The following ABCC9 variants were observed in gnomAD, a reference collection of about 807,000 sequenced individuals.
ABCC9 encodes ATP binding cassette subfamily C member 9.
ABCC9 carries 95 observed loss-of-function variants against 188.3 expected under a neutral mutation model. The observed-to-expected ratio is 0.50, with a 90% CI of 0.43 to 0.60. ABCC9 has a LOEUF of 0.60. Ranked by LOEUF, ABCC9 falls within the 20% of genes least tolerant of loss-of-function variation. The pLI, the probability that ABCC9 is intolerant of heterozygous loss-of-function variation, is 0.00. For synonymous variants in ABCC9, 659 were observed against 652.7 expected (o/e 1.01, Z -0.15); for missense variants, 1,102 against 1,876.3 (o/e 0.59, Z 7.62).
At chr12:21,890,985 A>T (rs185041942) in intron 14 of ABCC9, among the ~76,000 whole-genome samples, 1,772 of 147,102 alleles carry the variant, frequency 0.012, 37 homozygotes, top group African/African-American at 0.044. Context: ...ATAAAATTTA[A>T]AAAAAAAAAT....
intron 19 of ABCC9, among the ~76,000 whole-genome samples, chr12:21,863,382 A>T (rs1470611154): frequency 1.6e-5 from 2 of 128,576 alleles, no homozygotes; most frequent in Non-Finnish European, 3.5e-5. Context: ...TAATTAAAAG[A>T]TTATAGCTAC....
chr12:21,880,808 C>T (rs899661853), intron 16 of ABCC9, among the ~76,000 whole-genome samples: 3 of 151,990 alleles, frequency 2.0e-5, no homozygotes, highest in Non-Finnish European at 4.4e-5. Flanking sequence ...AAGCAGTTTG[C>T]CATTATCTAG....
intron 4 of ABCC9, among the ~76,000 whole-genome samples, chr12:21,932,633 A>G (rs147255978): frequency 4.6e-5 from 7 of 152,072 alleles, no homozygotes; most frequent in Admixed American, 1.3e-4. Flanking sequence ...CATGTATGGA[A>G]AAAAGCTCAA....
At chr12:21,909,436 G>A (rs1249177473) in intron 10 of ABCC9, among the ~76,000 whole-genome samples, 2 of 151,816 alleles carry the variant, frequency 1.3e-5, no homozygotes, top group African/African-American at 4.8e-5. Context: ...TCTACAGAAT[G>A]CAAAACTTGA....
intron 15 of ABCC9, among the ~76,000 whole-genome samples, chr12:21,887,205 A>G (rs899819152): frequency 2.6e-5 from 4 of 152,220 alleles, no homozygotes; most frequent in Non-Finnish European, 1.5e-5. Flanking sequence ...ACAAAATAAT[A>G]TTGACTATGT....
At chr12:21,805,077 T>C (rs1184684574) in intron 39 of ABCC9, 24 of 1,566,614 alleles carry the variant, frequency 1.5e-5, no homozygotes, top group Non-Finnish European at 2.0e-5. Context: ...ATCTCAGCCC[T>C]TCCCTTTATT....
chr12:21,876,489 A>G (rs1946354725), intron 16 of ABCC9, among the ~76,000 whole-genome samples: 1 of 151,378 alleles, frequency 6.6e-6, no homozygotes, highest in African/African-American at 2.4e-5. Context: ...CACTGAAGTT[A>G]AAAAAAAAGA....
intron 31 of ABCC9, among the ~76,000 whole-genome samples, chr12:21,825,683 A>G (rs921762003): frequency 2.6e-5 from 4 of 152,078 alleles, no homozygotes; most frequent in Non-Finnish European, 2.9e-5. Context: ...TAGGAGAAAT[A>G]CCCAATGTGG....
chr12:21,815,936 G>A, intron 33 of ABCC9, 43 bp from the exon 34 acceptor site: 1 of 1,523,558 alleles, frequency 6.6e-7, no homozygotes, highest in Non-Finnish European at 9.0e-7. Flanking sequence ...TAGGCAGATA[G>A]AGATTGATGT....
At position 21,863,042 on chromosome 12, in the gene ABCC9, G is replaced by T; in HGVS notation, c.2250C>A (p.Tyr750Ter). Residue 750 changes from tyrosine to a stop codon, truncating the protein, a stop_gained, in exon 20 of 40, where the codon TAC becomes TAA. Coordinates refer to ENST00000261200, the MANE Select transcript of ABCC9 (RefSeq NM_020297.4). LOFTEE classifies it high-confidence loss of function. ...SFEATRSRNR[Y>*]SVAYAAQKPW... Reference sequence around the variant, plus strand: ...GCTTTTGAGCTGCATATGCCACAGAGTACCTGTTCCTACTGAAAAATGAAA... The same window carrying T: ...GCTTTTGAGCTGCATATGCCACAGATTACCTGTTCCTACTGAAAAATGAAA... 6.2e-6 allele frequency: 10 copies of T among 1,606,170 alleles called. No homozygotes were observed. The highest frequency in any genetic ancestry group is 8.5e-6 in the Non-Finnish European group (10 of 1,174,566).
At position 21,797,902 on chromosome 12, in the gene ABCC9, A is replaced by T; in HGVS notation, c.*3142T>A. 1 of 152,304 alleles carries T rather than the reference A, an allele frequency of 6.6e-6. No homozygotes were observed. Among genetic ancestry groups the T allele is most frequent in the East Asian group, 1.9e-4 (1 of 5,182 alleles). 9.4% of individuals were successfully genotyped at this position (152,304 alleles called of 1,614,324 possible). A position where few individuals can be genotyped will look rare whatever the true frequency, so the allele number is the denominator to read the frequency against. On this transcript the variant is annotated 3_prime_UTR_variant, in exon 40 of 40. Transcript: ENST00000261200. ...AATTGATTTGACTAATTAAATATAA[A>T]ATTTATAAATGTAAAATCTGATTTA...
chr12:21,913,877 C>T lies in ABCC9; in HGVS notation c.817-811G>A, dbSNP rs547444296. 7.9e-5 allele frequency among the ~76,000 whole-genome samples: 12 copies of T among 152,268 alleles called. No individual in the cohort carries two copies. In the South Asian group the frequency reaches 2.5e-3, roughly 32 times the overall value. On this transcript the variant is annotated intron_variant, in intron 7 of 39. Coordinates refer to ENST00000261200, the MANE Select transcript of ABCC9 (RefSeq NM_020297.4). The stretch of plus-strand genomic sequence containing the variant: ...GTTCCCTATGCAACCCCCTGTTAAA[C>T]TAAATAAATAATTTGTTTTCCAAAG...
intron 5 of ABCC9, chr12:21,924,435 G>A (rs1335661538): frequency 6.6e-6 from 1 of 152,000 alleles, no homozygotes; most frequent in African/African-American, 2.4e-5. Context: ...TGTACATTTG[G>A]TGATTTTCAT....
chr12:21,850,103 C>T (rs1944884911), intron 24 of ABCC9, among the ~76,000 whole-genome samples: 1 of 151,344 alleles, frequency 6.6e-6, no homozygotes. Flanking sequence ...TTGAGCTGGA[C>T]AACGCACTGT....
At chr12:21,849,817 C>A (rs558707212) in intron 24 of ABCC9, among the ~76,000 whole-genome samples, 1 of 152,158 alleles carries the variant, frequency 6.6e-6, no homozygotes, top group East Asian at 1.9e-4. Context: ...TAAATAATAC[C>A]AGTTTATTCT....
intron 7 of ABCC9, among the ~76,000 whole-genome samples, chr12:21,915,387 T>A (rs1295325480): frequency 2.8e-5 from 4 of 143,958 alleles, no homozygotes; most frequent in Non-Finnish European, 3.0e-5. Flanking sequence ...TATATAGACA[T>A]GTGTATATAT....
rs763511789 is a variant in ABCC9 at position 21,895,254 on chromosome 12, AAG to A, written c.1659+19_1659+20del. On this transcript the variant is annotated intron_variant, in intron 13 of 39. Coordinates refer to ENST00000261200, the MANE Select transcript of ABCC9 (RefSeq NM_020297.4). ...AACACTGACTTGGTTTCATTTCTAAAAGAGAGAAAAAGTGTCTTACAGCAAGA... is the reference window on the plus strand; with the variant it reads ...AACACTGACTTGGTTTCATTTCTAAAAGAGAAAAAGTGTCTTACAGCAAGA... The A allele has an allele frequency of 6.8e-6, 11 of 1,606,666 alleles. No homozygotes were observed. Among genetic ancestry groups the A allele is most frequent in the South Asian group, 1.1e-5 (1 of 90,914 alleles).
rs1413918169 is a variant in ABCC9 at position 21,893,986 on chromosome 12, T to C, written c.1802+46A>G. The C allele has an allele frequency of 8.7e-6, 14 of 1,601,694 alleles. 1 individual carries two copies. In the Middle Eastern group the frequency reaches 8.3e-4, roughly 95 times the overall value. On this transcript the variant is annotated intron_variant, in intron 14 of 39. Transcript: ENST00000261200. ...CAAATACTCCTATTAGCACACGTCA[T>C]TTCTATTATCAATAAGCAAAAAATG...
rs143655767 is a variant in ABCC9, at chr12:21,864,812, G to A, written c.2199-335C>T. On this transcript the variant is annotated intron_variant, in intron 18 of 39. Coordinates refer to ENST00000261200, the MANE Select transcript of ABCC9 (RefSeq NM_020297.4). ...GAATCCCTCTAGAATACAGTTTCCC[G>A]TTTCATAAGGACTCTGTATTTCCAA... 1.2e-4 allele frequency among the ~76,000 whole-genome samples: 19 copies of A among 152,152 alleles called. No individual in the cohort carries two copies. In the East Asian group the frequency reaches 1.7e-3, roughly 14 times the overall value.
Sources: gnomAD v4.1 joint callset for allele counts (sites outside exome capture counted in the v4.1 genomes callset) on GRCh38, gnomAD v4.1.1 for gene constraint, MANE v1.5 for transcripts, NCBI Gene and HGNC (gene_info 2026-07-23, HGNC 2026-07-21) for gene names.